The following GPHN variants were observed in gnomAD, a reference collection of about 807,000 sequenced individuals.
GPHN encodes gephyrin.
In GPHN, 17 loss-of-function variants were observed where a neutral mutation model predicts 95.5. That is an observed-to-expected ratio of 0.18 (90% CI 0.12 to 0.27). The LOEUF (loss-of-function observed/expected upper bound fraction) is 0.27, where lower values mean the gene tolerates loss of function less well. GPHN is among the 10% of genes least tolerant of loss of function. The pLI is 1.00. For missense variants in GPHN, 660 were observed against 978.1 expected (o/e 0.67, Z 4.34); for synonymous variants, 320 against 322.5 (o/e 0.99, Z 0.08).
At chr14:67,179,931 A>G (rs1160684136) in intron 22 of GPHN, among the ~76,000 whole-genome samples, 1 of 152,204 alleles carries the variant, frequency 6.6e-6, no homozygotes, top group Non-Finnish European at 1.5e-5. Context: ...ATGTCCTGTA[A>G]TAAATCTGGA....
chr14:67,722,846 G>C, the GPHN span: 93 of 794,078 alleles, frequency 1.2e-4, no homozygotes, highest in East Asian at 5.2e-4. Context: ...AGGAAGGAAG[G>C]GGGTGTTGTG....
chr14:67,198,328 A>G, the GPHN span: 2 of 1,609,522 alleles, frequency 1.2e-6, no homozygotes, highest in South Asian at 2.2e-5. Flanking sequence ...CAGGTAAATC[A>G]TATTCAAGGC....
intron 4 of GPHN, among the ~76,000 whole-genome samples, chr14:66,831,415 G>A (rs572286418): frequency 3.3e-5 from 5 of 152,222 alleles, no homozygotes; most frequent in Admixed American, 6.5e-5. Context: ...TATACCTGAA[G>A]TATTTAAAAC....
the GPHN span, chr14:67,387,469 AAG>A: frequency 1.3e-6 from 2 of 1,597,000 alleles, no homozygotes; most frequent in East Asian, 2.3e-5. Context: ...AGGCAGAAAA[AAG>A]GGGGAAAAAA....
chr14:67,474,383 T>C, the GPHN span, among the ~76,000 whole-genome samples: 2 of 152,214 alleles, frequency 1.3e-5, no homozygotes, highest in Non-Finnish European at 2.9e-5. Context: ...TTTTGGATTA[T>C]CTGTGGTCAG....
intron 1 of GPHN, among the ~76,000 whole-genome samples, chr14:66,671,141 A>G (rs2066285298): frequency 6.6e-6 from 1 of 152,174 alleles, no homozygotes; most frequent in Non-Finnish European, 1.5e-5. Context: ...TTTCATGAAA[A>G]TTGTTATTGG....
At chr14:67,292,424 A>T in the GPHN span, 1 of 876,652 alleles carries the variant, frequency 1.1e-6, no homozygotes, top group Non-Finnish European at 1.8e-6. Context: ...TTAAATTGTT[A>T]CTGGTTCAAA....
chr14:66,553,669 C>T (rs933584644), intron 1 of GPHN, among the ~76,000 whole-genome samples: 8 of 152,110 alleles, frequency 5.3e-5, no homozygotes, highest in East Asian at 3.9e-4. Flanking sequence ...TTCTGCCTCC[C>T]GGGTTCAAGC....
At chr14:67,274,077 G>A in the GPHN span, among the ~76,000 whole-genome samples, 5 of 152,260 alleles carry the variant, frequency 3.3e-5, no homozygotes, top group East Asian at 3.9e-4. Flanking sequence ...TAGGTTGCCT[G>A]TTCACTCTGA....
chr14:67,528,036 GATGAATGT>G, the GPHN span, among the ~76,000 whole-genome samples: 1 of 152,196 alleles, frequency 6.6e-6, no homozygotes, highest in Non-Finnish European at 1.5e-5. Flanking sequence ...GCAAGCACAT[GATGAATGT>G]ATGAACACAG....
chr14:66,996,550 T>C (rs571433485), intron 9 of GPHN, among the ~76,000 whole-genome samples: 38 of 152,170 alleles, frequency 2.5e-4, no homozygotes, highest in Non-Finnish European at 4.7e-4. Flanking sequence ...AAACTCAAAT[T>C]GGCTAAAGGC....
intron 1 of GPHN, among the ~76,000 whole-genome samples, chr14:66,548,042 A>T (rs1386973379): frequency 6.8e-6 from 1 of 147,630 alleles, no homozygotes; most frequent in East Asian, 2.0e-4. Flanking sequence ...TGTTGGTATC[A>T]TTTTTTTTTT....
intron 11 of GPHN, among the ~76,000 whole-genome samples, chr14:67,070,730 C>G (rs1316299761): frequency 8.8e-6 from 1 of 113,208 alleles, no homozygotes; most frequent in African/African-American, 4.8e-5. Context: ...ATATATATAT[C>G]CAATCAGCAT....
intron 12 of GPHN, among the ~76,000 whole-genome samples, chr14:67,099,499 C>G (rs918127461): frequency 6.6e-6 from 1 of 151,172 alleles, no homozygotes; most frequent in African/African-American, 2.4e-5. Context: ...CAATAAAACT[C>G]TTCTATAATA....
chr14:67,192,830 C>G, the GPHN span, among the ~76,000 whole-genome samples: 1 of 139,538 alleles, frequency 7.2e-6, no homozygotes, highest in Non-Finnish European at 1.5e-5. Context: ...ATGTACAGAT[C>G]TATATATATA....
intron 17 of GPHN, among the ~76,000 whole-genome samples, chr14:67,133,036 A>T (rs973494034): frequency 4.6e-5 from 7 of 152,032 alleles, no homozygotes; most frequent in Non-Finnish European, 1.0e-4. Flanking sequence ...ACATGACTCC[A>T]TGGTCCCAGA....
intron 1 of GPHN, among the ~76,000 whole-genome samples, chr14:66,603,156 A>G (rs1420398987): frequency 1.3e-5 from 2 of 151,940 alleles, no homozygotes; most frequent in African/African-American, 2.4e-5. Context: ...AAATTTATAT[A>G]TGGATAAAAA....
intron 1 of GPHN, among the ~76,000 whole-genome samples, chr14:66,521,412 A>T (rs1405443681): frequency 6.6e-6 from 1 of 152,154 alleles, no homozygotes; most frequent in Non-Finnish European, 1.5e-5. Context: ...GAGTGGGGAT[A>T]CTAAATAGGT....
intron 20 of GPHN, among the ~76,000 whole-genome samples, chr14:67,167,887 C>G (rs2082375863): frequency 6.6e-6 from 1 of 152,170 alleles, no homozygotes; most frequent in African/African-American, 2.4e-5. Flanking sequence ...GAAATCAAAT[C>G]TGTTATTTAC....
Sources: gnomAD v4.1 joint callset for allele counts (sites outside exome capture counted in the v4.1 genomes callset) on GRCh38, gnomAD v4.1.1 for gene constraint, MANE v1.5 for transcripts, NCBI Gene and HGNC (gene_info 2026-07-23, HGNC 2026-07-21) for gene names.